Variants in AKAP6 observed in about 807,000 individuals in gnomAD.
AKAP6 encodes the protein A-kinase anchor protein 6.
Under a neutral mutation model 188.5 loss-of-function variants are expected in AKAP6, and 58 were observed. That is an observed-to-expected ratio of 0.31 (90% CI 0.25 to 0.38). The LOEUF is 0.38. Ranked by LOEUF, AKAP6 falls within the 10% of genes least tolerant of loss-of-function variation. The pLI, the probability that AKAP6 is intolerant of heterozygous loss-of-function variation, is 1.00. For synonymous variants in AKAP6, 989 were observed against 998.6 expected (o/e 0.99, Z 0.18); for missense variants, 2,710 against 2,740.0 (o/e 0.99, Z 0.24).
chr14:32,538,640 C>CA (rs931729897), intron 3 of AKAP6, among the ~76,000 whole-genome samples: 1 of 151,992 alleles, frequency 6.6e-6, no homozygotes, highest in African/African-American at 2.4e-5. Flanking sequence ...AGGCAAAGCT[C>CA]AAAACTATTT....
rs998494695 is a variant in AKAP6 at position 32,485,291 on chromosome 14, A to T, written c.325-50263A>T. 8.5e-4 allele frequency among the ~76,000 whole-genome samples: 129 copies of T among 151,844 alleles called. 1 individual carries two copies. Among genetic ancestry groups the T allele is most frequent in the African/African-American group, 2.9e-3 (118 of 41,328 alleles). ...TAAACATATGTATGCATGTGTCTTT[A>T]TAGTAGAATGATTTATAATCGTTTG... On this transcript the variant is annotated intron_variant, in intron 2 of 13. Coordinates refer to ENST00000280979, the MANE Select transcript of AKAP6 (RefSeq NM_004274.5).
At chr14:32,690,467 C>A (rs918053273) in intron 8 of AKAP6, among the ~76,000 whole-genome samples, 8 of 152,058 alleles carry the variant, frequency 5.3e-5, no homozygotes, top group Non-Finnish European at 1.0e-4. Flanking sequence ...ACTATGCTGG[C>A]CTCACAAGTA....
chr14:32,762,869 G>C (rs1416833104), intron 11 of AKAP6, among the ~76,000 whole-genome samples: 1 of 152,010 alleles, frequency 6.6e-6, no homozygotes, highest in East Asian at 1.9e-4. Flanking sequence ...AGGTCAAAAG[G>C]TCAGTTCAAT....
chr14:32,334,011 G>A lies in AKAP6; in HGVS notation c.-35+4603G>A, dbSNP rs368012002. On this transcript the variant is annotated intron_variant, in intron 1 of 13. Transcript: ENST00000280979. ...CAGTTACCTTCAGTCTCATCTAATC[G>A]CCCTAGTGTGCCTTACAGTATTGCT... Among the ~76,000 whole-genome samples, 26 of 152,002 alleles carry A rather than the reference G, an allele frequency of 1.7e-4. No homozygotes were observed. The East Asian group carries it at 1.7e-3, about 10-fold the overall frequency.
intron 8 of AKAP6, among the ~76,000 whole-genome samples, chr14:32,686,418 T>C (rs1408401964): frequency 6.6e-6 from 1 of 152,116 alleles, no homozygotes; most frequent in Non-Finnish European, 1.5e-5. Flanking sequence ...AACTTTATTG[T>C]ACATTTTAAA....
rs142681137 is a variant in AKAP6 at position 32,822,110 on chromosome 14, G to T, written c.4297G>T (p.Val1433Leu). 1.9e-6 allele frequency: 3 copies of T among 1,613,932 alleles called. No individual in the cohort carries two copies. The Admixed American group carries it at 5.0e-5, about 27-fold the overall frequency. ...TAGCTCTCAGTCGTCCATTTCACCA[G>T]TGGGTTGTGTAAATGGAAAAGTTGG... is the stretch of plus-strand genomic sequence containing the variant. ...PNSSQSSISP[V>L]GCVNGKVGDL... Residue 1433 changes from valine (V) to leucine (L), a missense_variant, in exon 13 of 14, where the codon GTG (valine) becomes TTG (leucine). By Grantham distance (32) the Val-to-Leu change is conservative. Around this residue, in one of 2 missense-constraint regions of AKAP6, gnomAD observed 2,473 missense variants for 2,426.1 expected, o/e 1.02. Coordinates refer to ENST00000280979, the MANE Select transcript of AKAP6 (RefSeq NM_004274.5).
At chr14:32,533,541 A>G (rs956887620) in intron 2 of AKAP6, among the ~76,000 whole-genome samples, 4 of 152,080 alleles carry the variant, frequency 2.6e-5, no homozygotes, top group African/African-American at 7.2e-5. Flanking sequence ...GAAGTTAAGG[A>G]GTGTTTTTTT....
intron 1 of AKAP6, among the ~76,000 whole-genome samples, chr14:32,404,711 T>TATA (rs1555325855): frequency 3.1e-5 from 4 of 128,506 alleles, no homozygotes; most frequent in Non-Finnish European, 5.1e-5. Context: ...TATATATATA[T>TATA]TAGTCAGAAT....
intron 7 of AKAP6, among the ~76,000 whole-genome samples, chr14:32,662,720 A>G (rs554605237): frequency 1.4e-4 from 22 of 152,234 alleles, no homozygotes; most frequent in Non-Finnish European, 2.8e-4. Context: ...TATAATTAGC[A>G]GGTAATCTGT....
chr14:32,788,953 T>C (rs1039208924), intron 12 of AKAP6, among the ~76,000 whole-genome samples: 3 of 152,210 alleles, frequency 2.0e-5, no homozygotes, highest in African/African-American at 4.8e-5. Flanking sequence ...GGCTGGAGTC[T>C]GCCTGAGACA....
chr14:32,567,890 A>G (rs979047119), intron 4 of AKAP6, among the ~76,000 whole-genome samples: 2 of 152,184 alleles, frequency 1.3e-5, no homozygotes, highest in African/African-American at 4.8e-5. Context: ...GCAAGGCTGG[A>G]GGAGACTTTG....
At chr14:32,459,079 A>G (rs1263501658) in intron 2 of AKAP6, among the ~76,000 whole-genome samples, 1 of 152,210 alleles carries the variant, frequency 6.6e-6, no homozygotes, top group Non-Finnish European at 1.5e-5. Flanking sequence ...ACATACAACA[A>G]TATTAATCTC....
chr14:32,405,847 A>T (rs987382996), intron 1 of AKAP6, among the ~76,000 whole-genome samples: 1 of 152,202 alleles, frequency 6.6e-6, no homozygotes, highest in Non-Finnish European at 1.5e-5. Context: ...CAGAACTGTG[A>T]TGAGATTACC....
intron 2 of AKAP6, among the ~76,000 whole-genome samples, chr14:32,472,451 T>C (rs1878835355): frequency 6.6e-6 from 1 of 152,208 alleles, no homozygotes; most frequent in Admixed American, 6.5e-5. Flanking sequence ...GTTTTCTCTA[T>C]TATTACTAAA....
intron 9 of AKAP6, among the ~76,000 whole-genome samples, chr14:32,713,042 G>A (rs1268444998): frequency 1.3e-5 from 2 of 152,008 alleles, no homozygotes; most frequent in Non-Finnish European, 2.9e-5. Context: ...ATTACACCTT[G>A]ATCCATGGGC....
chr14:32,740,717 T>C (rs796179043), intron 11 of AKAP6, among the ~76,000 whole-genome samples: 30 of 152,086 alleles, frequency 2.0e-4, no homozygotes, highest in African/African-American at 7.2e-4. Context: ...CTCTGTTCTG[T>C]TCCATTCGTC....
rs533926815 is a variant in AKAP6 at position 32,741,470 on chromosome 14, C to T, written c.3372+5588C>T. Among the ~76,000 whole-genome samples, 20 of 151,958 alleles carry T rather than the reference C, an allele frequency of 1.3e-4. 1 individual carries two copies. The South Asian group carries it at 4.0e-3, about 30-fold the overall frequency. On this transcript the variant is annotated intron_variant, in intron 11 of 13. Transcript: ENST00000280979. The stretch of plus-strand genomic sequence containing the variant: ...GGAGGAAAGGTTTTCAGTTTTCTCC[C>T]GTTCAATGTGATACTACCTGTGGCT...
intron 7 of AKAP6, among the ~76,000 whole-genome samples, chr14:32,638,302 A>T (rs1301890735): frequency 6.6e-6 from 1 of 152,080 alleles, no homozygotes; most frequent in Non-Finnish European, 1.5e-5. Flanking sequence ...CTGGTCCCAA[A>T]CTTCCATTCT....
chr14:32,715,512 GTCT>G (rs1446404141), intron 9 of AKAP6, among the ~76,000 whole-genome samples: 1 of 151,984 alleles, frequency 6.6e-6, no homozygotes, highest in Non-Finnish European at 1.5e-5. Flanking sequence ...ATAAGTGCTA[GTCT>G]TCTTAGAAAG....
Sources: allele counts gnomAD v4.1 joint callset (sites outside exome capture counted in the v4.1 genomes callset), GRCh38; gene constraint gnomAD v4.1.1; regional missense constraint gnomAD v4.1.1; transcripts MANE v1.5; gene names NCBI Gene and HGNC (gene_info 2026-07-23, HGNC 2026-07-21).